DPP10: variants seen among roughly 807,000 people sequenced by gnomAD.
The protein encoded by DPP10 is dipeptidyl peptidase like 10.
In DPP10, 33 loss-of-function variants were observed where a neutral mutation model predicts 120.9. That is an observed-to-expected ratio of 0.27 (90% CI 0.21 to 0.37). The LOEUF (loss-of-function observed/expected upper bound fraction) is 0.37, where lower values mean the gene tolerates loss of function less well. Among genes scored for constraint, DPP10 ranks in the 10% least tolerant of loss-of-function variants. DPP10 has a pLI of 1.00. For missense variants in DPP10, 816 were observed against 942.8 expected, an observed-to-expected ratio of 0.87 and a Z score of 1.76; for synonymous variants, 337 against 326.1, an observed-to-expected ratio of 1.03 and a Z score of -0.36.
chr2:114,749,811 C>A (rs1679032464), intron 1 of DPP10, among the ~76,000 whole-genome samples: 1 of 151,990 alleles, frequency 6.6e-6, no homozygotes, highest in African/African-American at 2.4e-5. Flanking sequence ...CTAAATGATG[C>A]TGCATACAAT....
chr2:115,171,511 T>C (rs556380745), intron 1 of DPP10, among the ~76,000 whole-genome samples: 1 of 152,182 alleles, frequency 6.6e-6, no homozygotes, highest in East Asian at 1.9e-4. Flanking sequence ...GTTTCCTAAA[T>C]GTCACACCTT....
At position 115,352,590 on chromosome 2, in the gene DPP10, C is replaced by T. The variant is rs146349867; in HGVS notation, c.271+8678C>T. On this transcript the variant is annotated intron_variant, in intron 3 of 25. Transcript: ENST00000410059. The stretch of plus-strand genomic sequence containing the variant: ...CCAACATGTATTGAAAAGATTGAAG[C>T]ACAGCCAAACATTTTTCTAGATACA... 3.7e-4 allele frequency among the ~76,000 whole-genome samples: 56 copies of T among 152,224 alleles called. 2 individuals carry two copies. The East Asian group carries it at 9.3e-3, about 25-fold the overall frequency.
At chr2:115,796,291 C>T (rs17045005) in intron 19 of DPP10, among the ~76,000 whole-genome samples, 2,775 of 152,122 alleles carry the variant, frequency 0.018, 86 homozygotes, top group African/African-American at 0.061. Flanking sequence ...TTATGCACAC[C>T]GCTATTACAA....
At chr2:114,714,173 A>G (rs1477701674) in intron 1 of DPP10, among the ~76,000 whole-genome samples, 2 of 151,078 alleles carry the variant, frequency 1.3e-5, no homozygotes, top group Non-Finnish European at 2.9e-5. Flanking sequence ...AGTGATGTGG[A>G]GTATTCTCGG....
chr2:115,353,473 C>T (rs1484222378), intron 3 of DPP10, among the ~76,000 whole-genome samples: 1 of 152,062 alleles, frequency 6.6e-6, no homozygotes, highest in Non-Finnish European at 1.5e-5. Context: ...AGCAGATTAA[C>T]CCTTTATTAG....
chr2:115,553,681 A>G (rs2080019977), intron 5 of DPP10, among the ~76,000 whole-genome samples: 1 of 151,994 alleles, frequency 6.6e-6, no homozygotes, highest in African/African-American at 2.4e-5. Flanking sequence ...ATTATACTTT[A>G]TCTGCACTAT....
intron 1 of DPP10, among the ~76,000 whole-genome samples, chr2:114,461,009 T>C (rs1198709440): frequency 6.6e-6 from 1 of 152,230 alleles, no homozygotes; most frequent in Non-Finnish European, 1.5e-5. Flanking sequence ...CCCACTGTTT[T>C]GGAAGCATTC....
intron 1 of DPP10, among the ~76,000 whole-genome samples, chr2:115,013,983 A>G (rs551488925): frequency 2.0e-5 from 3 of 152,282 alleles, no homozygotes; most frequent in African/African-American, 7.2e-5. Context: ...TCAGCTCTGG[A>G]CCAAGCAGAC....
chr2:115,380,063 T>G (rs1292683918), intron 3 of DPP10, among the ~76,000 whole-genome samples: 1 of 152,214 alleles, frequency 6.6e-6, no homozygotes, highest in East Asian at 1.9e-4. Flanking sequence ...AGATGTCTAT[T>G]AGGTCCACTT....
intron 1 of DPP10, among the ~76,000 whole-genome samples, chr2:114,608,462 T>A (rs1433091801): frequency 1.3e-5 from 2 of 152,174 alleles, no homozygotes; most frequent in Admixed American, 1.3e-4. Flanking sequence ...ATCATGATGA[T>A]TTCACATTGA....
At chr2:115,526,153 T>G in intron 5 of DPP10, 181 bp downstream of exon 5, 1 of 504,574 alleles carries the variant, frequency 2.0e-6, no homozygotes, top group Non-Finnish European at 3.5e-6. Flanking sequence ...ATCTTCCATA[T>G]CTGCACAGCA....
intron 5 of DPP10, among the ~76,000 whole-genome samples, chr2:115,668,434 A>T (rs2089628879): frequency 6.6e-6 from 1 of 152,080 alleles, no homozygotes; most frequent in African/African-American, 2.4e-5. Flanking sequence ...TCCACAATGG[A>T]ACAAACCCCA....
chr2:115,527,388 C>G (rs2078197408), intron 5 of DPP10, among the ~76,000 whole-genome samples: 1 of 152,116 alleles, frequency 6.6e-6, no homozygotes, highest in African/African-American at 2.4e-5. Context: ...ACACCTTATA[C>G]AAACTCAGAA....
rs1210719685 is a variant in DPP10, at chr2:115,581,085, T to G, written c.441+55113T>G. Among the ~76,000 whole-genome samples, 3 of 152,174 alleles carry G rather than the reference T, an allele frequency of 2.0e-5. No homozygotes were observed. The East Asian group carries it at 5.8e-4, about 29-fold the overall frequency. ...TAAATTCTCCGTACGTCTAGTCAGC[T>G]GGGAGAAACCTGAGGAACATAATTG... On this transcript the variant is annotated intron_variant, in intron 5 of 25. Coordinates refer to ENST00000410059, the MANE Select transcript of DPP10 (RefSeq NM_020868.6).
intron 2 of DPP10, among the ~76,000 whole-genome samples, chr2:115,334,230 G>GTTTTTTTTTTTTTTTTTTTTTTTTT: frequency 0.015 from 823 of 56,340 alleles, 256 homozygotes; most frequent in Non-Finnish European, 0.025. Context: ...AGCAGACTCT[G>GTTTTTTTTTTTTTTTTTTTTTTTTT]TTTTTTTTTT....
At chr2:115,444,819 T>C (rs1352010735) in intron 3 of DPP10, among the ~76,000 whole-genome samples, 1 of 152,208 alleles carries the variant, frequency 6.6e-6, no homozygotes, top group African/African-American at 2.4e-5. Flanking sequence ...ATGGAATTTT[T>C]TCACAGGTTA....
At chr2:115,255,747 C>T (rs527461204) in intron 1 of DPP10, among the ~76,000 whole-genome samples, 12 of 152,282 alleles carry the variant, frequency 7.9e-5, no homozygotes, top group African/African-American at 2.4e-4. Context: ...CCTTTGCTTC[C>T]GTTTCCAACA....
At chr2:114,605,522 A>G (rs1343492501) in intron 1 of DPP10, among the ~76,000 whole-genome samples, 2 of 152,172 alleles carry the variant, frequency 1.3e-5, no homozygotes, top group Non-Finnish European at 2.9e-5. Context: ...TGTAATACAT[A>G]TAACGCACAA....
chr2:115,423,250 A>G (rs1000244899), intron 3 of DPP10, among the ~76,000 whole-genome samples: 22 of 152,144 alleles, frequency 1.4e-4, no homozygotes, highest in African/African-American at 4.8e-4. Flanking sequence ...AAAGAGGTTT[A>G]TAATCTTTGC....
Sources: gnomAD v4.1 joint callset for allele counts (sites outside exome capture counted in the v4.1 genomes callset) on GRCh38, gnomAD v4.1.1 for gene constraint, MANE v1.5 for transcripts, NCBI Gene and HGNC (gene_info 2026-07-23, HGNC 2026-07-21) for gene names.